Variants in UBE2H observed in about 807,000 individuals in gnomAD.
UBE2H encodes the protein ubiquitin-conjugating enzyme E2 H.
A neutral mutation model predicts 29.0 loss-of-function variants in UBE2H; 3 were observed. The ratio of observed to expected loss-of-function variants is 0.10; its 90% CI spans 0.05 to 0.27. The LOEUF (loss-of-function observed/expected upper bound fraction) is 0.27. Among genes scored for constraint, UBE2H ranks in the 10% least tolerant of loss-of-function variants. The pLI is 1.00. For missense variants in UBE2H, 68 were observed against 228.2 expected (o/e 0.30, Z 4.52); for synonymous variants, 69 against 82.9 (o/e 0.83, Z 0.91).
In UBE2H at chr7:129,930,285, C is replaced by T. The variant is rs150819517; in HGVS notation, c.53+22218G>A. Among the ~76,000 whole-genome samples, 667 of 152,164 alleles carry T rather than the reference C, an allele frequency of 4.4e-3. 5 individuals carry two copies. Among genetic ancestry groups the T allele is most frequent in the African/African-American group, 0.014 (598 of 41,538 alleles). ...CAAGTAATTCTCCTGCCTCAGCCTC[C>T]GGAGTAGCTGGGATTACAGGCATGC... On this transcript the variant is annotated intron_variant, in intron 1 of 6. Transcript: ENST00000355621.
At chr7:129,859,035 G>A in intron 3 of UBE2H, 94 bp from the exon 4 acceptor site, 1 of 993,482 alleles carries the variant, frequency 1.0e-6, no homozygotes, top group East Asian at 2.4e-5. Flanking sequence ...GGGAAAAGGT[G>A]ATAATACTTA....
intron 5 of UBE2H, among the ~76,000 whole-genome samples, chr7:129,847,924 G>GT (rs1346500124): frequency 6.6e-6 from 1 of 152,126 alleles, no homozygotes; most frequent in Non-Finnish European, 1.5e-5. Flanking sequence ...AATGTCTCTA[G>GT]TTTTTCTTTT....
chr7:129,849,299 C>T (rs749021498), intron 5 of UBE2H, among the ~76,000 whole-genome samples: 11 of 152,140 alleles, frequency 7.2e-5, no homozygotes, highest in South Asian at 2.1e-4. Context: ...TAATTTGAGC[C>T]GGGCGCAGTG....
intron 1 of UBE2H, among the ~76,000 whole-genome samples, chr7:129,944,308 A>G (rs965594324): frequency 7.9e-5 from 12 of 152,218 alleles, no homozygotes; most frequent in Admixed American, 7.2e-4. Context: ...GTGAGCCGAG[A>G]TCGCGCCACT....
At chr7:129,921,491 C>A (rs923604094) in intron 1 of UBE2H, among the ~76,000 whole-genome samples, 1 of 151,838 alleles carries the variant, frequency 6.6e-6, no homozygotes, top group African/African-American at 2.4e-5. Context: ...TGAGGTCAGG[C>A]GTTCAAGACC....
intron 1 of UBE2H, among the ~76,000 whole-genome samples, chr7:129,902,042 T>G (rs1806726217): frequency 6.6e-6 from 1 of 152,216 alleles, no homozygotes; most frequent in African/African-American, 2.4e-5. Context: ...TAAGTGTTAT[T>G]AACCCGTTTT....
At chr7:129,952,070 G>A (rs539364468) in intron 1 of UBE2H, among the ~76,000 whole-genome samples, 5 of 152,218 alleles carry the variant, frequency 3.3e-5, no homozygotes, top group Admixed American at 6.5e-5. Context: ...GGAGGAAATG[G>A]GGGCATCTCA....
At chr7:129,849,522 G>A (rs1805571198) in intron 5 of UBE2H, among the ~76,000 whole-genome samples, 1 of 152,128 alleles carries the variant, frequency 6.6e-6, no homozygotes, top group Admixed American at 6.5e-5. Context: ...AGGTTGCAGT[G>A]AGCCAAGATT....
intron 1 of UBE2H, among the ~76,000 whole-genome samples, chr7:129,944,650 T>C (rs1426676422): frequency 2.0e-5 from 3 of 151,534 alleles, no homozygotes; most frequent in Non-Finnish European, 4.4e-5. Flanking sequence ...GATCACACCA[T>C]GAACTCTCAT....
At chr7:129,894,561 C>G (rs975667814) in intron 1 of UBE2H, among the ~76,000 whole-genome samples, 8 of 150,882 alleles carry the variant, frequency 5.3e-5, no homozygotes, top group Non-Finnish European at 1.5e-5. Flanking sequence ...GATCTTGGCC[C>G]ACTGCAACCT....
At chr7:129,919,660 C>A (rs1011394734) in intron 1 of UBE2H, among the ~76,000 whole-genome samples, 1 of 152,208 alleles carries the variant, frequency 6.6e-6, no homozygotes, top group East Asian at 1.9e-4. Flanking sequence ...AGGCAGGCTG[C>A]ACATTGCACC....
At chr7:129,929,161 A>C (rs771669525) in intron 1 of UBE2H, among the ~76,000 whole-genome samples, 4 of 152,134 alleles carry the variant, frequency 2.6e-5, no homozygotes, top group Non-Finnish European at 4.4e-5. Context: ...TCTACTAAAA[A>C]TACAAAATTA....
chr7:129,932,773 C>CAAAAA lies in UBE2H; in HGVS notation c.53+19725_53+19729dup, dbSNP rs1208871059. 1.1e-3 allele frequency among the ~76,000 whole-genome samples: 36 copies of CAAAAA among 33,198 alleles called. 2 individuals carry two copies. The highest frequency in any genetic ancestry group is 9.9e-3 in the South Asian group (9 of 908). The allele number at this position is 33,198 out of a possible 152,430, so 21.8% of individuals were successfully genotyped here. A position where few individuals can be genotyped will look rare whatever the true frequency, so the allele number is the denominator to read the frequency against. On this transcript the variant is annotated intron_variant, in intron 1 of 6. Coordinates refer to ENST00000355621, the MANE Select transcript of UBE2H (RefSeq NM_003344.4). ...TGGGCGACAGAGCGAGACTCCGTCT[C>CAAAAA]AAAAAAAAAAAAAAAAAAAAAAAAG...
At chr7:129,875,482 TTAGA>T (rs1563030434) in intron 3 of UBE2H, among the ~76,000 whole-genome samples, 1 of 152,222 alleles carries the variant, frequency 6.6e-6, no homozygotes, top group Non-Finnish European at 1.5e-5. Flanking sequence ...AAATATTTCT[TTAGA>T]TAATTTTTAA....
chr7:129,851,286 C>T (rs1805604808), intron 5 of UBE2H, among the ~76,000 whole-genome samples: 1 of 152,166 alleles, frequency 6.6e-6, no homozygotes, highest in Admixed American at 6.5e-5. Flanking sequence ...CATCCTCGTT[C>T]AAACCTTATA....
chr7:129,928,749 A>G (rs999954608), intron 1 of UBE2H, among the ~76,000 whole-genome samples: 3 of 152,240 alleles, frequency 2.0e-5, no homozygotes, highest in Admixed American at 6.5e-5. Context: ...CATCTATAGA[A>G]GTATCACTGT....
intron 2 of UBE2H, among the ~76,000 whole-genome samples, chr7:129,880,154 T>C (rs1806225072): frequency 6.6e-6 from 1 of 151,740 alleles, no homozygotes; most frequent in African/African-American, 2.4e-5. Context: ...TCAAAAATAT[T>C]AGAGAAAAAA....
chr7:129,868,933 CTCTTTTTT>C (rs1805972039), intron 3 of UBE2H, among the ~76,000 whole-genome samples: 1 of 96,940 alleles, frequency 1.0e-5, no homozygotes. Context: ...CTCTCTCTCT[CTCTTTTTT>C]TTTTTTTTTT....
chr7:129,950,161 G>A lies in UBE2H; in HGVS notation c.53+2342C>T, dbSNP rs577054992. On this transcript the variant is annotated intron_variant, in intron 1 of 6. Coordinates refer to ENST00000355621, the MANE Select transcript of UBE2H (RefSeq NM_003344.4). ...ACACAACACACACAAAAGGAAATCCGAAACATTTTAACTTCCAAACTCCAT... is the reference window on the plus strand; with the variant it reads ...ACACAACACACACAAAAGGAAATCCAAAACATTTTAACTTCCAAACTCCAT... Among the ~76,000 whole-genome samples, 4 of 152,120 alleles carry A rather than the reference G, an allele frequency of 2.6e-5. No homozygotes were observed. In the East Asian group the frequency reaches 7.7e-4, roughly 29 times the overall value.
Sources: gnomAD v4.1 joint callset for allele counts (sites outside exome capture counted in the v4.1 genomes callset) on GRCh38, gnomAD v4.1.1 for gene constraint, MANE v1.5 for transcripts, NCBI Gene and HGNC (gene_info 2026-07-23, HGNC 2026-07-21) for gene names.